The following TENM1 variants were observed in gnomAD, a reference collection of about 807,000 sequenced individuals.
TENM1 encodes teneurin transmembrane protein 1.
TENM1 carries 35 observed loss-of-function variants against 174.8 expected under a neutral mutation model. That is an observed-to-expected ratio of 0.20 (90% CI 0.15 to 0.27). The LOEUF is 0.27. Ranked by LOEUF, TENM1 falls within the 10% of genes least tolerant of loss-of-function variation. The probability of loss-of-function intolerance (pLI) is 1.00; values close to 1 mark genes in which losing one functional copy is unlikely to be tolerated. For missense variants in TENM1, 1,633 were observed against 2,130.1 expected, an observed-to-expected ratio of 0.77 and a Z score of 4.59; for synonymous variants, 781 against 798.7, an observed-to-expected ratio of 0.98 and a Z score of 0.37.
the TENM1 span, among the ~76,000 whole-genome samples, chrX:125,047,064 T>C: frequency 9.0e-6 from 1 of 111,473 alleles, no homozygotes. Context: ...GTTTATTTTA[T>C]GCATATATTT....
chrX:124,849,841 A>G (rs1466125745), intron 3 of TENM1, among the ~76,000 whole-genome samples: 1 of 112,322 alleles, frequency 8.9e-6, no homozygotes, highest in Non-Finnish European at 1.9e-5. Flanking sequence ...AACCAGTGGA[A>G]GATAAGAGAA....
intron 3 of TENM1, among the ~76,000 whole-genome samples, chrX:124,811,505 C>T: frequency 9.0e-6 from 1 of 111,145 alleles, no homozygotes. Flanking sequence ...TAAAAAAAGA[C>T]AAAAGATAAC....
At chrX:124,636,068 T>TC (rs959228032) in intron 11 of TENM1, among the ~76,000 whole-genome samples, 2 of 111,750 alleles carry the variant, frequency 1.8e-5, no homozygotes, top group Non-Finnish European at 3.8e-5. Flanking sequence ...TTCACTATAG[T>TC]CCCCCTGGTA....
rs191728754 is a variant in TENM1, at chrX:124,757,146, C to G, written c.536-19949G>C. On this transcript the variant is annotated intron_variant, in intron 3 of 31. Coordinates refer to ENST00000422452, the Ensembl canonical transcript of TENM1. ...CTCCTTGAGCTGTGGTTGGCTCCAC[C>G]CAGTTCGAGCTTCCGGCCTGCTTTG... Among the ~76,000 whole-genome samples, 393 of 112,580 alleles carry G rather than the reference C, an allele frequency of 3.5e-3. 4 individuals carry two copies. The highest frequency in any genetic ancestry group is 0.011 in the African/African-American group (330 of 31,025).
intron 11 of TENM1, among the ~76,000 whole-genome samples, chrX:124,635,138 G>C (rs1393588863): frequency 1.8e-5 from 2 of 111,573 alleles, no homozygotes; most frequent in Non-Finnish European, 3.8e-5. Flanking sequence ...TCAATATACA[G>C]TATTAAGAAT....
chrX:124,682,088 T>A (rs187304964), intron 5 of TENM1, among the ~76,000 whole-genome samples: 43 of 111,551 alleles, frequency 3.9e-4, no homozygotes, highest in Non-Finnish European at 4.3e-4. Context: ...CCTCACCTAA[T>A]TTCCTGATTC....
At chrX:124,966,593 C>A, upstream of TENM1, among the ~76,000 whole-genome samples, 2 of 104,115 alleles carry the variant, frequency 1.9e-5, no homozygotes, top group Non-Finnish European at 3.9e-5. Flanking sequence ...ACCTGGGAGG[C>A]GGAGCTTGCA....
chrX:124,616,845 C>T (rs1210289032), intron 11 of TENM1, among the ~76,000 whole-genome samples: 2 of 111,470 alleles, frequency 1.8e-5, no homozygotes, highest in Admixed American at 9.5e-5. Flanking sequence ...TAGAGAACTA[C>T]AGCAATTCAA....
In TENM1 at chrX:124,446,954, TG is replaced by T. The variant is rs1354345851; in HGVS notation, c.4104+6382del. 1.6e-4 allele frequency among the ~76,000 whole-genome samples: 18 copies of T among 112,471 alleles called. No homozygotes were observed. The Admixed American group carries it at 1.6e-3, about 10-fold the overall frequency. On this transcript the variant is annotated intron_variant, in intron 23 of 31. Coordinates refer to ENST00000422452, the Ensembl canonical transcript of TENM1. Reference sequence around the variant, plus strand: ...TAAGGTCTGATTCAAATCTTCATGTTGCAGCATAGGCCTCTATTTTCTCTCC... The same window carrying T: ...TAAGGTCTGATTCAAATCTTCATGTTCAGCATAGGCCTCTATTTTCTCTCC...
chrX:124,896,575 T>A (rs990323739), intron 1 of TENM1, among the ~76,000 whole-genome samples: 1 of 111,638 alleles, frequency 9.0e-6, no homozygotes, highest in African/African-American at 3.3e-5. Context: ...TAAAAGATAT[T>A]TCTTTTCTAG....
chrX:124,396,608 A>G (rs753832666), intron 27 of TENM1, among the ~76,000 whole-genome samples: 11 of 110,522 alleles, frequency 1.0e-4, no homozygotes, highest in Non-Finnish European at 1.7e-4. Flanking sequence ...CAGGCCTCCA[A>G]CCTCCTTCTT....
intron 4 of TENM1, among the ~76,000 whole-genome samples, chrX:124,722,348 T>C (rs1307605215): frequency 8.9e-6 from 1 of 111,810 alleles, no homozygotes; most frequent in Non-Finnish European, 1.9e-5. Flanking sequence ...GTGTTTTTTG[T>C]ATGCCAGATA....
At chrX:124,922,351 A>G (rs1406870430) in intron 1 of TENM1, among the ~76,000 whole-genome samples, 1 of 111,719 alleles carries the variant, frequency 9.0e-6, no homozygotes, top group Non-Finnish European at 1.9e-5. Context: ...AGATTTAGGA[A>G]GTATATCAGT....
intron 20 of TENM1, among the ~76,000 whole-genome samples, chrX:124,489,598 G>A (rs188075883): frequency 7.2e-5 from 8 of 111,523 alleles, no homozygotes; most frequent in African/African-American, 2.3e-4. Context: ...AAATTGAACC[G>A]TTAAATATTT....
At chrX:125,036,345 C>T in the TENM1 span, among the ~76,000 whole-genome samples, 2 of 111,756 alleles carry the variant, frequency 1.8e-5, no homozygotes, top group African/African-American at 3.2e-5. Flanking sequence ...CGTGGCTTTG[C>T]AACGTATTTG....
chrX:125,093,260 G>A, the TENM1 span, among the ~76,000 whole-genome samples: 1 of 111,231 alleles, frequency 9.0e-6, no homozygotes, highest in Non-Finnish European at 1.9e-5. Flanking sequence ...AAAACATAGC[G>A]GCATGGGTCC....
chrX:124,877,799 T>C (rs2057233454), intron 3 of TENM1, among the ~76,000 whole-genome samples: 1 of 111,594 alleles, frequency 9.0e-6, no homozygotes, highest in African/African-American at 3.3e-5. Flanking sequence ...ACATAACTAC[T>C]AGTGGTCTGC....
At chrX:124,588,470 C>T (rs1175649755) in intron 11 of TENM1, among the ~76,000 whole-genome samples, 1 of 108,434 alleles carries the variant, frequency 9.2e-6, no homozygotes, top group East Asian at 2.9e-4. Flanking sequence ...CATATTCTCA[C>T]TCATAGGTGG....
chrX:125,103,785 A>T, the TENM1 span, among the ~76,000 whole-genome samples: 4 of 112,210 alleles, frequency 3.6e-5, no homozygotes, highest in Non-Finnish European at 5.6e-5. Context: ...CAGGAGCTCA[A>T]GATCAGCCTG....
Sources: allele counts gnomAD v4.1 joint callset (sites outside exome capture counted in the v4.1 genomes callset), GRCh38; gene constraint gnomAD v4.1.1; transcripts MANE v1.5; gene names NCBI Gene and HGNC (gene_info 2026-07-23, HGNC 2026-07-21).